The following EFCAB5 variants were observed in gnomAD, a reference collection of about 807,000 sequenced individuals.
EFCAB5 encodes EF-hand calcium binding domain 5.
In EFCAB5, 131 loss-of-function variants were observed where a neutral mutation model predicts 167.9. The observed-to-expected ratio is 0.78, with a 90% CI of 0.68 to 0.90. The LOEUF is 0.90. Among genes scored for constraint, EFCAB5 ranks in the 40% least tolerant of loss-of-function variants. The pLI is 0.00. For missense variants in EFCAB5, 1,663 were observed against 1,745.2 expected (o/e 0.95, Z 0.84); for synonymous variants, 574 against 602.8 (o/e 0.95, Z 0.70).
At chr17:30,051,025 G>A in intron 8 of EFCAB5, 93 bp from the exon 9 acceptor site, 1 of 903,468 alleles carries the variant, frequency 1.1e-6, no homozygotes, top group Non-Finnish European at 1.8e-6. Flanking sequence ...TGTGGTGATA[G>A]TGATGATAAA....
intron 3 of EFCAB5, among the ~76,000 whole-genome samples, chr17:29,965,662 T>C (rs1173983491): frequency 6.6e-6 from 1 of 152,116 alleles, no homozygotes; most frequent in Admixed American, 6.5e-5. Flanking sequence ...TTCCATGAAA[T>C]TGTTTTGGTA....
chr17:29,976,847 CT>C (rs2068072698), intron 4 of EFCAB5, among the ~76,000 whole-genome samples: 1 of 152,052 alleles, frequency 6.6e-6, no homozygotes, highest in African/African-American at 2.4e-5. Context: ...TGTTAGGTCT[CT>C]AAAAACAACA....
chr17:29,935,376 T>C (rs560644452), intron 1 of EFCAB5, among the ~76,000 whole-genome samples: 44 of 152,008 alleles, frequency 2.9e-4, no homozygotes, highest in Non-Finnish European at 5.6e-4. Context: ...CTGGGCAGCA[T>C]AGTAAGACCT....
At chr17:30,055,746 G>C in intron 10 of EFCAB5, 142 bp from the exon 11 acceptor site, 1 of 775,188 alleles carries the variant, frequency 1.3e-6, no homozygotes, top group Non-Finnish European at 2.0e-6. Context: ...CACTGTGGTC[G>C]ATTGCAACAC....
chr17:30,049,877 A>G (rs895932573), intron 8 of EFCAB5, among the ~76,000 whole-genome samples: 1 of 152,208 alleles, frequency 6.6e-6, no homozygotes, highest in African/African-American at 2.4e-5. Flanking sequence ...TTTATCCTAG[A>G]GAAACGTTTG....
At chr17:30,102,196 G>A (rs1210278390) in intron 22 of EFCAB5, among the ~76,000 whole-genome samples, 1 of 152,154 alleles carries the variant, frequency 6.6e-6, no homozygotes, top group African/African-American at 2.4e-5. Flanking sequence ...GGAGTCTATG[G>A]AAGTTGCCTT....
In EFCAB5 at chr17:30,034,186, A is replaced by G. The variant is rs2069554668; in HGVS notation, c.1045-44A>G. 3.8e-6 allele frequency: 6 copies of G among 1,590,650 alleles called. No homozygotes were observed. In the East Asian group the frequency reaches 1.4e-4, roughly 36 times the overall value. ...ATCCTGGGGAAAATCCAAGTAGAGC[A>G]TGGTTTTAAGTCAATCGTTTATCCT... On this transcript the variant is annotated intron_variant, in intron 7 of 22. Coordinates refer to ENST00000394835, the MANE Select transcript of EFCAB5 (RefSeq NM_198529.4).
intron 13 of EFCAB5, 126 bp downstream of exon 13, chr17:30,058,016 C>A (rs576061634): frequency 1.3e-6 from 1 of 762,894 alleles, no homozygotes; most frequent in African/African-American, 1.8e-5. Context: ...TTTCTTTCAA[C>A]AAGCATAGCC....
At chr17:30,027,652 G>T (rs551455871) in intron 7 of EFCAB5, among the ~76,000 whole-genome samples, 1 of 152,176 alleles carries the variant, frequency 6.6e-6, no homozygotes, top group East Asian at 1.9e-4. Flanking sequence ...ATCCTGGCTT[G>T]CCTGGGACTG....
rs1448856689 is a variant in EFCAB5 at position 29,995,416 on chromosome 17, A to G, written c.925-896A>G. The stretch of plus-strand genomic sequence containing the variant: ...TCTTGATCAGTCTGCTTTTGCTTTG[A>G]CAGGACCAATTCCACATCTTGGTAA... On this transcript the variant is annotated intron_variant, in intron 5 of 22. Coordinates refer to ENST00000394835, the MANE Select transcript of EFCAB5 (RefSeq NM_198529.4). Among the ~76,000 whole-genome samples the G allele has an allele frequency of 2.0e-5, 3 of 152,194 alleles. No individual in the cohort carries two copies. The East Asian group carries it at 5.8e-4, about 29-fold the overall frequency.
rs535070055 is a variant in EFCAB5 at position 30,010,561 on chromosome 17, T to A, written c.1044+10585T>A. Among the ~76,000 whole-genome samples the A allele has an allele frequency of 1.6e-4, 25 of 152,376 alleles. No individual in the cohort carries two copies. In the East Asian group the frequency reaches 4.8e-3, roughly 29 times the overall value. ...TTTGCATTTCTCTGATGACCAGTGA[T>A]GATGAGCATTTTTTCATGTCTGTTG... On this transcript the variant is annotated intron_variant, in intron 7 of 22. Coordinates refer to ENST00000394835, the MANE Select transcript of EFCAB5 (RefSeq NM_198529.4).
intron 8 of EFCAB5, among the ~76,000 whole-genome samples, chr17:30,038,461 T>C (rs934071849): frequency 2.0e-4 from 30 of 152,264 alleles, no homozygotes; most frequent in Non-Finnish European, 4.1e-4. Flanking sequence ...TTCATTGAGA[T>C]GCGCCTGGTT....
At chr17:29,958,961 T>C (rs2067668967) in intron 3 of EFCAB5, among the ~76,000 whole-genome samples, 1 of 152,162 alleles carries the variant, frequency 6.6e-6, no homozygotes, top group Non-Finnish European at 1.5e-5. Context: ...AGACTCTTGT[T>C]CTCTTCCCTT....
intron 18 of EFCAB5, among the ~76,000 whole-genome samples, chr17:30,086,022 G>A (rs894357986): frequency 6.6e-6 from 1 of 151,816 alleles, no homozygotes; most frequent in Admixed American, 6.6e-5. Flanking sequence ...TAGAGACAAG[G>A]TCTCACTCTG....
At chr17:30,097,048 ACATATATATATAT>A (rs1391010822) in intron 22 of EFCAB5, among the ~76,000 whole-genome samples, 4 of 61,024 alleles carry the variant, frequency 6.6e-5, no homozygotes, top group African/African-American at 1.0e-4. Context: ...ATATACATAT[ACATATATATATAT>A]TTTTTTTTTT....
intron 7 of EFCAB5, among the ~76,000 whole-genome samples, chr17:30,027,534 T>G (rs1433051425): frequency 6.6e-6 from 1 of 151,976 alleles, no homozygotes; most frequent in East Asian, 1.9e-4. Flanking sequence ...ATAGACAGTT[T>G]GTTATGTAAA....
intron 4 of EFCAB5, among the ~76,000 whole-genome samples, chr17:29,978,867 T>C (rs1361600764): frequency 6.6e-6 from 1 of 152,232 alleles, no homozygotes; most frequent in African/African-American, 2.4e-5. Flanking sequence ...CTGAAGACCT[T>C]ATATGCAATT....
At chr17:29,989,868 T>C (rs1410430405) in intron 4 of EFCAB5, among the ~76,000 whole-genome samples, 1 of 152,190 alleles carries the variant, frequency 6.6e-6, no homozygotes, top group Non-Finnish European at 1.5e-5. Context: ...ATGGCTGCCA[T>C]AAAAAATGAT....
chr17:30,072,036 A>G (rs946148734), intron 14 of EFCAB5, among the ~76,000 whole-genome samples: 1 of 152,210 alleles, frequency 6.6e-6, no homozygotes, highest in Non-Finnish European at 1.5e-5. Context: ...GTTAATGGAT[A>G]CAAAAGTACA....
Sources: allele counts gnomAD v4.1 joint callset (sites outside exome capture counted in the v4.1 genomes callset), GRCh38; gene constraint gnomAD v4.1.1; transcripts MANE v1.5; gene names NCBI Gene and HGNC (gene_info 2026-07-23, HGNC 2026-07-21).